The following CSMD1 variants were observed in gnomAD, a reference collection of about 807,000 sequenced individuals.
The protein encoded by CSMD1 is CUB and sushi domain-containing protein 1.
Under a neutral mutation model 417.5 loss-of-function variants are expected in CSMD1, and 213 were observed. That is an observed-to-expected ratio of 0.51 (90% CI 0.46 to 0.57). The LOEUF (loss-of-function observed/expected upper bound fraction) is 0.57. Ranked by LOEUF, CSMD1 falls within the 20% of genes least tolerant of loss-of-function variation. CSMD1 has a pLI of 0.00. For synonymous variants in CSMD1, 2,862 were observed against 1,736.8 expected, an observed-to-expected ratio of 1.65 and a Z score of -16.11; for missense variants, 6,923 against 4,529.7, an observed-to-expected ratio of 1.53 and a Z score of -15.17.
At chr8:3,420,688 T>G (rs1370349914) in intron 12 of CSMD1, among the ~76,000 whole-genome samples, 2 of 152,224 alleles carry the variant, frequency 1.3e-5, no homozygotes, top group Non-Finnish European at 2.9e-5. Context: ...AGTCAAATTC[T>G]AAACTTTTGG....
chr8:3,657,032 G>C (rs1316015833), intron 7 of CSMD1, among the ~76,000 whole-genome samples: 1 of 148,372 alleles, frequency 6.7e-6, no homozygotes, highest in Non-Finnish European at 1.5e-5. Context: ...ATACAGGAAA[G>C]TGTCTGCCAG....
intron 3 of CSMD1, among the ~76,000 whole-genome samples, chr8:4,279,600 G>C (rs528077839): frequency 2.6e-5 from 4 of 152,110 alleles, no homozygotes; most frequent in Admixed American, 6.5e-5. Context: ...TAAACAAATA[G>C]ACTCAATGAA....
chr8:4,725,392 A>G (rs192604627), intron 1 of CSMD1, among the ~76,000 whole-genome samples: 4 of 152,340 alleles, frequency 2.6e-5, no homozygotes, highest in African/African-American at 9.6e-5. Context: ...TTGCTTGTGA[A>G]AGCGCAATAA....
At chr8:4,709,450 G>C (rs895738663) in intron 1 of CSMD1, among the ~76,000 whole-genome samples, 1 of 152,186 alleles carries the variant, frequency 6.6e-6, no homozygotes, top group African/African-American at 2.4e-5. Flanking sequence ...ACAGGAAATA[G>C]AGGGACTCTG....
At chr8:4,931,782 G>C (rs12334931) in intron 1 of CSMD1, among the ~76,000 whole-genome samples, 51,871 of 152,088 alleles carry the variant, frequency 0.34, 9,366 homozygotes, top group Non-Finnish European at 0.41. Context: ...AAAGGGTGGT[G>C]AGGCTCAGAA....
chr8:4,600,763 G>T (rs77810313), intron 2 of CSMD1, among the ~76,000 whole-genome samples: 114 of 152,250 alleles, frequency 7.5e-4, no homozygotes, highest in African/African-American at 2.5e-3. Context: ...GAACTAAGGC[G>T]TGAGGATAAA....
chr8:3,934,507 A>C (rs1006304776), intron 5 of CSMD1, among the ~76,000 whole-genome samples: 1 of 152,168 alleles, frequency 6.6e-6, no homozygotes, highest in Admixed American at 6.6e-5. Context: ...AAGGAAAGGT[A>C]ATGAGGCCAG....
At chr8:4,180,436 G>A (rs866493869) in intron 3 of CSMD1, among the ~76,000 whole-genome samples, 9 of 123,690 alleles carry the variant, frequency 7.3e-5, no homozygotes, top group African/African-American at 2.8e-4. Context: ...GTGGGGTGGG[G>A]GGAGGGGGGA....
chr8:4,275,971 G>T lies in CSMD1; in HGVS notation c.415+143982C>A, dbSNP rs187498905. On this transcript the variant is annotated intron_variant, in intron 3 of 69. Coordinates refer to ENST00000635120, the MANE Select transcript of CSMD1 (RefSeq NM_033225.6). ...TGAATAGTTAAAAAGTCAGGAAACA[G>T]CAGATGCTGGAGAGACTGTGGAGAA... Among the ~76,000 whole-genome samples, 574 of 152,296 alleles carry T rather than the reference G, an allele frequency of 3.8e-3. 4 individuals are homozygous for T. The highest frequency in any genetic ancestry group is 0.013 in the African/African-American group (546 of 41,564).
At chr8:3,269,935 G>A (rs1468070788) in intron 26 of CSMD1, among the ~76,000 whole-genome samples, 1 of 151,928 alleles carries the variant, frequency 6.6e-6, no homozygotes, top group Admixed American at 6.6e-5. Context: ...TAAAGTGAAG[G>A]TAAACGCACA....
rs190977039 is a variant in CSMD1, at chr8:4,979,508, C to G, written c.85+14824G>C. 3.3e-5 allele frequency among the ~76,000 whole-genome samples: 5 copies of G among 152,312 alleles called. No homozygotes were observed. The East Asian group carries it at 7.7e-4, about 23-fold the overall frequency. On this transcript the variant is annotated intron_variant, in intron 1 of 69. Transcript: ENST00000635120. Reference sequence around the variant, plus strand: ...GTGTGAAAGCTAAGGGAAATTATTTCTATCATAAGATACTCACTGTCTACC... The same window carrying G: ...GTGTGAAAGCTAAGGGAAATTATTTGTATCATAAGATACTCACTGTCTACC...
intron 5 of CSMD1, among the ~76,000 whole-genome samples, chr8:3,814,633 A>T (rs1173702967): frequency 6.6e-6 from 1 of 152,308 alleles, no homozygotes; most frequent in African/African-American, 2.4e-5. Flanking sequence ...ACGGCCTCCC[A>T]AACAAAGAGC....
intron 42 of CSMD1, among the ~76,000 whole-genome samples, chr8:3,114,359 A>G (rs1454446951): frequency 6.6e-6 from 1 of 151,740 alleles, no homozygotes; most frequent in African/African-American, 2.4e-5. Context: ...TTTTTTGCCT[A>G]AACAAGAATA....
chr8:2,996,518 C>A (rs1035734648), intron 54 of CSMD1, among the ~76,000 whole-genome samples: 21 of 152,186 alleles, frequency 1.4e-4, no homozygotes, highest in African/African-American at 5.1e-4. Context: ...AAGTATCAGG[C>A]CTGTGCAGTA....
At chr8:4,969,562 A>C (rs191394005) in intron 1 of CSMD1, among the ~76,000 whole-genome samples, 12 of 151,806 alleles carry the variant, frequency 7.9e-5, no homozygotes, top group East Asian at 2.0e-4. Flanking sequence ...CTCTTATCTC[A>C]CAACAGCTCA....
chr8:3,395,207 T>A (rs552210969), intron 17 of CSMD1, among the ~76,000 whole-genome samples: 2 of 152,318 alleles, frequency 1.3e-5, no homozygotes, highest in African/African-American at 4.8e-5. Flanking sequence ...TTTAAAAACA[T>A]CTTTACAATA....
intron 21 of CSMD1, among the ~76,000 whole-genome samples, chr8:3,356,823 C>T (rs1483249570): frequency 6.6e-6 from 1 of 152,214 alleles, no homozygotes. Flanking sequence ...TGGGTGCACT[C>T]TGGAGAGCCA....
rs76499683 is a variant in CSMD1, at chr8:3,896,010, G to T, written c.818+101893C>A. Among the ~76,000 whole-genome samples the T allele has an allele frequency of 1.9e-3, 282 of 152,274 alleles. 4 individuals carry two copies. The highest frequency in any genetic ancestry group is 6.4e-3 in the African/African-American group (266 of 41,540). On this transcript the variant is annotated intron_variant, in intron 5 of 69. Coordinates refer to ENST00000635120, the MANE Select transcript of CSMD1 (RefSeq NM_033225.6). ...ACTGTAAATCATTCAGTGCAGTGTG[G>T]TTTCTTCCAGAAAAAGAAAGGAAGA...
chr8:4,462,524 T>G (rs1415805912), intron 2 of CSMD1, among the ~76,000 whole-genome samples: 1 of 152,152 alleles, frequency 6.6e-6, no homozygotes, highest in African/African-American at 2.4e-5. Flanking sequence ...TTCAAAGGAC[T>G]TAGAATACTC....
Sources: gnomAD v4.1 joint callset for allele counts (sites outside exome capture counted in the v4.1 genomes callset) on GRCh38, gnomAD v4.1.1 for gene constraint, MANE v1.5 for transcripts, NCBI Gene and HGNC (gene_info 2026-07-23, HGNC 2026-07-21) for gene names.